Variants in CCDC178 observed in about 807,000 individuals in gnomAD.
CCDC178 encodes the protein coiled-coil domain-containing protein 178.
CCDC178 carries 126 observed loss-of-function variants against 117.4 expected under a neutral mutation model. That is an observed-to-expected ratio of 1.07 (90% CI 0.93 to 1.24). The LOEUF is 1.24. Among genes scored for constraint, CCDC178 ranks in the 50% most tolerant of loss-of-function variants. The probability of loss-of-function intolerance (pLI) is 0.00; values close to 1 mark genes in which losing one functional copy is unlikely to be tolerated. For missense variants in CCDC178, 1,030 were observed against 986.9 expected (o/e 1.04, Z -0.59); for synonymous variants, 283 against 313.4 (o/e 0.90, Z 1.02).
At position 33,055,323 on chromosome 18, in the gene CCDC178, C is replaced by G. The variant is rs77397011; in HGVS notation, c.2388+37438G>C. 3.9e-3 allele frequency among the ~76,000 whole-genome samples: 598 copies of G among 152,122 alleles called. 2 individuals are homozygous for G. Among genetic ancestry groups the G allele is most frequent in the Non-Finnish European group, 6.9e-3 (467 of 67,984 alleles). ...CATGTGAAAAAAAATCTGATCTTATCTTTAACTTCCTATTCTTTTTCTTTT... is the reference window on the plus strand; with the variant it reads ...CATGTGAAAAAAAATCTGATCTTATGTTTAACTTCCTATTCTTTTTCTTTT... On this transcript the variant is annotated intron_variant, in intron 21 of 22. Coordinates refer to ENST00000383096, the MANE Select transcript of CCDC178 (RefSeq NM_001105528.4).
chr18:33,045,190 A>T (rs1161851648), intron 21 of CCDC178, among the ~76,000 whole-genome samples: 3 of 152,186 alleles, frequency 2.0e-5, no homozygotes, highest in Non-Finnish European at 2.9e-5. Context: ...GTAAAAAGAT[A>T]AAAAAGTCAA....
At chr18:33,370,279 A>C (rs756023119) in intron 5 of CCDC178, 90 bp from the exon 6 acceptor site, 2 of 802,066 alleles carry the variant, frequency 2.5e-6, no homozygotes, top group Non-Finnish European at 3.8e-6. Flanking sequence ...CTGCTTTATT[A>C]GTGCTAATAC....
intron 9 of CCDC178, among the ~76,000 whole-genome samples, chr18:33,338,257 A>G (rs2062768837): frequency 6.6e-6 from 1 of 152,160 alleles, no homozygotes; most frequent in South Asian, 2.1e-4. Context: ...AACATTATAG[A>G]TGTTGGCATG....
intron 9 of CCDC178, among the ~76,000 whole-genome samples, chr18:33,342,529 G>GTA (rs772386232): frequency 4.6e-4 from 70 of 152,242 alleles, no homozygotes; most frequent in Non-Finnish European, 4.9e-4. Flanking sequence ...AGAAGTGAAG[G>GTA]TATGCCAGTT....
Position 33,143,598 on chromosome 18 carries a change from C to T in CCDC178, c.2239-50688G>A, listed in dbSNP as rs145430916. On this transcript the variant is annotated intron_variant, in intron 20 of 22. Transcript: ENST00000383096. ...ATGAAGTCTGTAGTGAAATAATGTT[C>T]CCTAATATTATTATATAGAGATACT... is the stretch of plus-strand genomic sequence containing the variant. Among the ~76,000 whole-genome samples the T allele has an allele frequency of 3.4e-3, 512 of 152,020 alleles. 3 individuals are homozygous for T. The highest frequency in any genetic ancestry group is 4.2e-3 in the Non-Finnish European group (286 of 67,930).
At chr18:32,975,815 A>G (rs1294413868) in intron 21 of CCDC178, among the ~76,000 whole-genome samples, 2 of 152,058 alleles carry the variant, frequency 1.3e-5, no homozygotes, top group Admixed American at 1.3e-4. Context: ...GAGTAAAAAC[A>G]TGTGAAAAAT....
intron 11 of CCDC178, among the ~76,000 whole-genome samples, chr18:33,316,365 C>T (rs545274568): frequency 6.6e-6 from 1 of 152,280 alleles, no homozygotes; most frequent in African/African-American, 2.4e-5. Context: ...AGCACCTGGG[C>T]GGGCAGCTGC....
At chr18:33,179,665 C>A (rs566550188) in intron 20 of CCDC178, among the ~76,000 whole-genome samples, 4 of 152,074 alleles carry the variant, frequency 2.6e-5, no homozygotes, top group African/African-American at 9.6e-5. Flanking sequence ...AGGTATAGAG[C>A]AATGTTTACC....
At chr18:33,065,613 G>T (rs1259799451) in intron 21 of CCDC178, among the ~76,000 whole-genome samples, 1 of 152,024 alleles carries the variant, frequency 6.6e-6, no homozygotes, top group African/African-American at 2.4e-5. Context: ...AGCCTCGAAG[G>T]GTCTTCTCCA....
intron 21 of CCDC178, among the ~76,000 whole-genome samples, chr18:33,032,704 A>G (rs1020772501): frequency 1.4e-4 from 21 of 152,260 alleles, no homozygotes; most frequent in African/African-American, 5.1e-4. Context: ...AGCTGGACGA[A>G]AAAAGCAAGA....
At chr18:33,341,967 C>T (rs942800489) in intron 9 of CCDC178, among the ~76,000 whole-genome samples, 5 of 152,014 alleles carry the variant, frequency 3.3e-5, no homozygotes, top group African/African-American at 9.7e-5. Context: ...AAAATAATGA[C>T]TTCAAGGAAA....
chr18:33,049,243 C>T (rs2056699894), intron 21 of CCDC178, among the ~76,000 whole-genome samples: 1 of 151,944 alleles, frequency 6.6e-6, no homozygotes, highest in Admixed American at 6.6e-5. Flanking sequence ...CCTACAAAGC[C>T]ATGAAACATA....
At chr18:33,138,141 T>C (rs1053846852) in intron 20 of CCDC178, among the ~76,000 whole-genome samples, 1 of 152,234 alleles carries the variant, frequency 6.6e-6, no homozygotes, top group Non-Finnish European at 1.5e-5. Flanking sequence ...TATTGGTAAA[T>C]GTGAAGCCTT....
intron 5 of CCDC178, among the ~76,000 whole-genome samples, chr18:33,377,757 C>T (rs1253932780): frequency 6.6e-6 from 1 of 152,062 alleles, no homozygotes; most frequent in Non-Finnish European, 1.5e-5. Context: ...GAGATGGATG[C>T]AGGTGTGAGG....
At chr18:33,256,161 A>C (rs556623994) in intron 14 of CCDC178, among the ~76,000 whole-genome samples, 27 of 149,662 alleles carry the variant, frequency 1.8e-4, no homozygotes, top group Non-Finnish European at 4.0e-4. Flanking sequence ...ATTGCTAACT[A>C]TGTGTAATTT....
intron 18 of CCDC178, 98 bp from the exon 19 acceptor site, chr18:33,215,793 A>T: frequency 1.1e-6 from 1 of 931,400 alleles, no homozygotes; most frequent in Non-Finnish European, 1.6e-6. Flanking sequence ...GAACAACTAA[A>T]AGTTAATAGT....
chr18:33,416,750 A>G (rs937265232), intron 2 of CCDC178, among the ~76,000 whole-genome samples: 3 of 152,136 alleles, frequency 2.0e-5, no homozygotes, highest in African/African-American at 7.2e-5. Flanking sequence ...ACAACCCAGC[A>G]GTAAAAAGGC....
chr18:33,340,487 A>G (rs1193155689), intron 9 of CCDC178, among the ~76,000 whole-genome samples: 1 of 152,172 alleles, frequency 6.6e-6, no homozygotes, highest in Admixed American at 6.5e-5. Context: ...TTAATCCCCA[A>G]GACCACGGGG....
At chr18:33,049,673 T>G (rs1172001935) in intron 21 of CCDC178, among the ~76,000 whole-genome samples, 2 of 152,190 alleles carry the variant, frequency 1.3e-5, no homozygotes, top group Non-Finnish European at 2.9e-5. Context: ...TTATTATTTT[T>G]AACTTGAAGA....
Sources: gnomAD v4.1 joint callset for allele counts (sites outside exome capture counted in the v4.1 genomes callset) on GRCh38, gnomAD v4.1.1 for gene constraint, MANE v1.5 for transcripts, NCBI Gene and HGNC (gene_info 2026-07-23, HGNC 2026-07-21) for gene names.